ZBTB20: variants seen among roughly 807,000 people sequenced by gnomAD.
ZBTB20 encodes the protein zinc finger and BTB domain containing 20.
Under a neutral mutation model 56.9 loss-of-function variants are expected in ZBTB20, and 9 were observed. That is an observed-to-expected ratio of 0.16 (90% CI 0.10 to 0.28). The LOEUF is 0.28. Among genes scored for constraint, ZBTB20 ranks in the 10% least tolerant of loss-of-function variants. The probability of loss-of-function intolerance (pLI) is 1.00; values close to 1 mark genes in which losing one functional copy is unlikely to be tolerated. For missense variants in ZBTB20, 655 were observed against 1,003.0 expected (o/e 0.65, Z 4.69); for synonymous variants, 417 against 420.7 (o/e 0.99, Z 0.11).
At chr3:114,576,415 C>T (rs941005366) in intron 6 of ZBTB20, among the ~76,000 whole-genome samples, 10 of 142,874 alleles carry the variant, frequency 7.0e-5, no homozygotes, top group East Asian at 6.5e-4. Flanking sequence ...GGCAGGAGAA[C>T]GGCGTGAACC....
chr3:114,574,194 A>G (rs1309988301), intron 6 of ZBTB20, among the ~76,000 whole-genome samples: 1 of 152,158 alleles, frequency 6.6e-6, no homozygotes, highest in Non-Finnish European at 1.5e-5. Flanking sequence ...CGAATTTTGT[A>G]ATTTAAGATT....
chr3:114,748,279 C>CTTCCTTCT (rs2067216659), intron 5 of ZBTB20, among the ~76,000 whole-genome samples: 1 of 104,422 alleles, frequency 9.6e-6, no homozygotes, highest in Non-Finnish European at 2.0e-5. Context: ...TTTGTTGTAG[C>CTTCCTTCT]TTCTTTCTTT....
chr3:114,730,171 C>T (rs1472975155), intron 5 of ZBTB20, among the ~76,000 whole-genome samples: 3 of 151,818 alleles, frequency 2.0e-5, no homozygotes, highest in African/African-American at 7.3e-5. Context: ...TGACAATCAT[C>T]TGTTTAACCC....
chr3:114,429,935 G>A (rs1003398307), intron 7 of ZBTB20, among the ~76,000 whole-genome samples: 3 of 152,148 alleles, frequency 2.0e-5, no homozygotes, highest in Non-Finnish European at 4.4e-5. Flanking sequence ...GTGGTGGGCT[G>A]GGGTGGGATG....
intron 7 of ZBTB20, among the ~76,000 whole-genome samples, chr3:114,472,160 C>A (rs1466041015): frequency 6.6e-6 from 1 of 152,194 alleles, no homozygotes; most frequent in African/African-American, 2.4e-5. Flanking sequence ...AGTGTACAGA[C>A]AAAATCACTA....
At chr3:114,937,886 A>G (rs2076596814) in intron 3 of ZBTB20, among the ~76,000 whole-genome samples, 1 of 152,044 alleles carries the variant, frequency 6.6e-6, no homozygotes, top group Non-Finnish European at 1.5e-5. Context: ...TCACAAGGTC[A>G]GGAGATCAAG....
intron 1 of ZBTB20, chr3:115,100,141 A>AT (rs11426047): frequency 0.044 from 6,383 of 145,316 alleles, 160 homozygotes; most frequent in South Asian, 0.084. Flanking sequence ...AGGAAGCAGG[A>AT]TTTTTTTTTT....
intron 6 of ZBTB20, among the ~76,000 whole-genome samples, chr3:114,544,447 TTCTTTCTTTCTTTCTTTCTTTCTTTC>T (rs2049551245): frequency 8.8e-6 from 1 of 114,030 alleles, no homozygotes; most frequent in Non-Finnish European, 1.8e-5. Flanking sequence ...CTTTCTTTCT[TTCTTTCTTTCTTTCTTTCTTTCTTTC>T]TTTCTTTTTC....
intron 5 of ZBTB20, among the ~76,000 whole-genome samples, chr3:114,781,097 A>G (rs1379085062): frequency 6.6e-6 from 1 of 152,204 alleles, no homozygotes; most frequent in Admixed American, 6.5e-5. Context: ...TAAGGAATAA[A>G]TATATATACC....
At chr3:114,706,930 G>C (rs933499979) in intron 5 of ZBTB20, among the ~76,000 whole-genome samples, 2 of 152,016 alleles carry the variant, frequency 1.3e-5, no homozygotes, top group Non-Finnish European at 2.9e-5. Context: ...AAAAAAAGGG[G>C]GTGCAACTAC....
intron 6 of ZBTB20, among the ~76,000 whole-genome samples, chr3:114,534,422 G>T (rs147063814): frequency 1.8e-3 from 276 of 152,252 alleles, no homozygotes; most frequent in Non-Finnish European, 3.0e-3. Flanking sequence ...AGGGATCAAT[G>T]CAACAAGAAG....
intron 4 of ZBTB20, among the ~76,000 whole-genome samples, chr3:114,848,260 A>T (rs778663040): frequency 6.6e-6 from 1 of 152,134 alleles, no homozygotes; most frequent in Non-Finnish European, 1.5e-5. Context: ...GTCTGAACAC[A>T]TGCGGGCAGG....
intron 7 of ZBTB20, among the ~76,000 whole-genome samples, chr3:114,408,938 C>G (rs1004762270): frequency 1.3e-5 from 2 of 151,996 alleles, no homozygotes; most frequent in Non-Finnish European, 2.9e-5. Context: ...GTCCGCCGTC[C>G]GCTCCTGGTG....
chr3:114,562,990 C>T (rs1421792850), intron 6 of ZBTB20, among the ~76,000 whole-genome samples: 4 of 151,918 alleles, frequency 2.6e-5, no homozygotes, highest in Non-Finnish European at 5.9e-5. Context: ...TGCCAAGAAC[C>T]ACCAAAATGT....
At chr3:114,393,581 G>A (rs747270869) in intron 7 of ZBTB20, among the ~76,000 whole-genome samples, 6 of 152,118 alleles carry the variant, frequency 3.9e-5, no homozygotes, top group Non-Finnish European at 8.8e-5. Context: ...TGCATGGTGT[G>A]TCATGTTTTA....
In ZBTB20 at chr3:115,011,052, C is replaced by T. The variant is rs113960408; in HGVS notation, c.-506-36636G>A. Among the ~76,000 whole-genome samples, 634 of 151,560 alleles carry T rather than the reference C, an allele frequency of 4.2e-3. 6 individuals carry two copies. Among genetic ancestry groups the T allele is most frequent in the African/African-American group, 0.014 (592 of 41,348 alleles). On this transcript the variant is annotated intron_variant, in intron 2 of 11. Coordinates refer to ENST00000675478, the MANE Select transcript of ZBTB20 (RefSeq NM_001348800.3). ...TCCTTTAACAGCAGAATGGATCAAG[C>T]GGAAGAAAGAATCAGTGAGCTTGAA...
At chr3:115,083,997 T>A (rs1434238271) in intron 1 of ZBTB20, among the ~76,000 whole-genome samples, 1 of 151,952 alleles carries the variant, frequency 6.6e-6, no homozygotes, top group Non-Finnish European at 1.5e-5. Context: ...GGATATTGTC[T>A]GTGAAAACTA....
At chr3:114,847,633 C>CT (rs201610592) in intron 4 of ZBTB20, among the ~76,000 whole-genome samples, 4,521 of 151,934 alleles carry the variant, frequency 0.03, 153 homozygotes, top group African/African-American at 0.077. Context: ...TTTGGGAATC[C>CT]TTTTTTTTCT....
intron 7 of ZBTB20, among the ~76,000 whole-genome samples, chr3:114,425,759 G>A (rs2089593681): frequency 6.6e-6 from 1 of 152,052 alleles, no homozygotes; most frequent in African/African-American, 2.4e-5. Flanking sequence ...TTTCTCTTCA[G>A]AATATCTCTA....
Sources: gnomAD v4.1 joint callset for allele counts (sites outside exome capture counted in the v4.1 genomes callset) on GRCh38, gnomAD v4.1.1 for gene constraint, MANE v1.5 for transcripts, NCBI Gene and HGNC (gene_info 2026-07-23, HGNC 2026-07-21) for gene names.